Variants in KANSL1 observed in about 807,000 individuals in gnomAD.
KANSL1 encodes the protein KAT8 regulatory NSL complex subunit 1.
In KANSL1, 22 loss-of-function variants were observed where a neutral mutation model predicts 103.6. The observed-to-expected ratio is 0.21, with a 90% confidence interval of 0.15 to 0.30. The LOEUF (loss-of-function observed/expected upper bound fraction) is 0.30. Among genes scored for constraint, KANSL1 ranks in the 10% least tolerant of loss-of-function variants. The pLI is 1.00. For missense variants in KANSL1, 1,337 were observed against 1,399.8 expected (o/e 0.96, Z 0.72); for synonymous variants, 600 against 527.6 (o/e 1.14, Z -1.88).
intron 2 of KANSL1, among the ~76,000 whole-genome samples, chr17:46,152,210 T>C (rs1422026041): frequency 6.6e-6 from 1 of 152,242 alleles, no homozygotes. Context: ...TCCTGAATAA[T>C]TCTGTATCAT....
chr17:46,182,824 AACT>A (rs2046852537), intron 1 of KANSL1, among the ~76,000 whole-genome samples: 2 of 152,382 alleles, frequency 1.3e-5, no homozygotes, highest in South Asian at 2.1e-4. Flanking sequence ...CGATGCTTTT[AACT>A]ACTACACTAG....
intron 3 of KANSL1, chr17:46,093,056 G>A (rs1364594548): frequency 6.6e-6 from 1 of 152,154 alleles, no homozygotes; most frequent in Non-Finnish European, 1.5e-5. Context: ...CAGCACTTAT[G>A]ACTACTATTA....
Position 46,160,513 on chromosome 17 carries a change from A to G in KANSL1, c.1289+10342T>C, listed in dbSNP as rs529839704. On this transcript the variant is annotated intron_variant, in intron 2 of 14. Transcript: ENST00000432791. ...TTCGCCATGTTACCCAGGCTGCTCT[A>G]GAACTCCTGGGCTCAAGAGATCTGC... Among the ~76,000 whole-genome samples the G allele has an allele frequency of 1.4e-4, 21 of 152,246 alleles. No homozygotes were observed. The South Asian group carries it at 4.1e-3, about 30-fold the overall frequency.
intron 2 of KANSL1, among the ~76,000 whole-genome samples, chr17:46,162,997 G>C (rs1438895528): frequency 6.6e-6 from 1 of 152,106 alleles, no homozygotes; most frequent in Admixed American, 6.5e-5. Context: ...CAGCTTACAT[G>C]TCACTTCCTT....
chr17:46,168,454 TCTC>T (rs2046117330), intron 2 of KANSL1, among the ~76,000 whole-genome samples: 1 of 152,194 alleles, frequency 6.6e-6, no homozygotes, highest in Non-Finnish European at 1.5e-5. Context: ...TTCAAGCGAT[TCTC>T]CTGCCTCAGC....
intron 2 of KANSL1, among the ~76,000 whole-genome samples, chr17:46,109,494 T>C (rs771392157): frequency 2.6e-5 from 4 of 152,202 alleles, no homozygotes; most frequent in Non-Finnish European, 4.4e-5. Flanking sequence ...TTCATCATTA[T>C]ATATTATATA....
At chr17:46,032,990 G>T in intron 13 of KANSL1, 90 bp downstream of exon 13, 2 of 949,280 alleles carry the variant, frequency 2.1e-6, no homozygotes, top group Non-Finnish European at 3.1e-6. Flanking sequence ...CAACCAAGAG[G>T]CAGTAGCAAT....
chr17:46,039,341 A>G lies in KANSL1; in HGVS notation c.2204-126T>C, dbSNP rs555600710. On this transcript the variant is annotated intron_variant, in intron 8 of 14. Coordinates refer to ENST00000432791, the MANE Select transcript of KANSL1 (RefSeq NM_015443.4). ...ACCCAGGGCAGCAGGACAGTCCTTC[A>G]GGACTGAAGTTTCTAGTAATTTGCA... 4.1e-5 allele frequency: 35 copies of G among 863,920 alleles called. No individual in the cohort carries two copies. In the South Asian group the frequency reaches 5.5e-4, roughly 13 times the overall value. The allele number at this position is 863,920 out of a possible 1,614,324, so 53.5% of individuals were successfully genotyped here. A position where few individuals can be genotyped will look rare whatever the true frequency, so the allele number is the denominator to read the frequency against.
chr17:46,155,385 C>T (rs982977773), intron 2 of KANSL1, among the ~76,000 whole-genome samples: 23 of 152,078 alleles, frequency 1.5e-4, no homozygotes, highest in Admixed American at 2.6e-4. Flanking sequence ...CTCGAACTCC[C>T]GGCCTCAAAT....
At chr17:46,131,117 A>G (rs1474135160) in intron 2 of KANSL1, among the ~76,000 whole-genome samples, 2 of 152,208 alleles carry the variant, frequency 1.3e-5, no homozygotes, top group Non-Finnish European at 2.9e-5. Context: ...ATTTTTAAAT[A>G]TCAGAGAAGT....
At chr17:46,122,203 G>T (rs1382624485) in intron 2 of KANSL1, among the ~76,000 whole-genome samples, 1 of 152,160 alleles carries the variant, frequency 6.6e-6, no homozygotes, top group Non-Finnish European at 1.5e-5. Context: ...TGGAAACACA[G>T]AAGTTCCTTT....
intron 7 of KANSL1, chr17:46,043,099 G>A (rs1010036409): frequency 2.0e-5 from 3 of 152,160 alleles, no homozygotes; most frequent in Non-Finnish European, 4.4e-5. Flanking sequence ...GCTGGGCTGA[G>A]CTGGAATGTA....
intron 2 of KANSL1, among the ~76,000 whole-genome samples, chr17:46,163,729 G>T (rs2045863729): frequency 6.6e-6 from 1 of 152,168 alleles, no homozygotes; most frequent in African/African-American, 2.4e-5. Context: ...TCCCGTCATT[G>T]CCCCCACACA....
intron 2 of KANSL1, among the ~76,000 whole-genome samples, chr17:46,162,488 C>CT (rs2147635867): frequency 6.6e-6 from 1 of 152,354 alleles, no homozygotes; most frequent in African/African-American, 2.4e-5. Context: ...TCATCTGCTC[C>CT]TTCTCCATCT....
intron 2 of KANSL1, among the ~76,000 whole-genome samples, chr17:46,112,833 T>C (rs1444874183): frequency 1.3e-5 from 2 of 152,148 alleles, no homozygotes; most frequent in Admixed American, 1.3e-4. Context: ...GTGATTCTCC[T>C]GCCTTAGCCT....
At chr17:46,092,898 G>A (rs909008204) in intron 3 of KANSL1, 7 of 151,920 alleles carry the variant, frequency 4.6e-5, no homozygotes, top group African/African-American at 7.3e-5. Flanking sequence ...TTTCTTTGTC[G>A]TACTTAAAAC....
intron 6 of KANSL1, among the ~76,000 whole-genome samples, chr17:46,060,465 A>AT (rs1476074577): frequency 6.6e-6 from 1 of 152,222 alleles, no homozygotes; most frequent in Non-Finnish European, 1.5e-5. Flanking sequence ...AAACACCGTC[A>AT]TAACAGTTTA....
At chr17:46,164,726 G>T (rs1034344633) in intron 2 of KANSL1, among the ~76,000 whole-genome samples, 1 of 152,190 alleles carries the variant, frequency 6.6e-6, no homozygotes, top group African/African-American at 2.4e-5. Flanking sequence ...CAAAAAAATG[G>T]TGATGAGAAT....
At chr17:46,086,598 T>C (rs926019752) in intron 3 of KANSL1, among the ~76,000 whole-genome samples, 4 of 152,198 alleles carry the variant, frequency 2.6e-5, no homozygotes, top group Non-Finnish European at 4.4e-5. Flanking sequence ...TGTTATGTAC[T>C]ACATTAGAAG....
Sources: gnomAD v4.1 joint callset for allele counts (sites outside exome capture counted in the v4.1 genomes callset) on GRCh38, gnomAD v4.1.1 for gene constraint, MANE v1.5 for transcripts, NCBI Gene and HGNC (gene_info 2026-07-23, HGNC 2026-07-21) for gene names.